Variants in CSMD1 observed in about 807,000 individuals in gnomAD.
CSMD1 encodes the protein CUB and sushi domain-containing protein 1.
A neutral mutation model predicts 417.5 loss-of-function variants in CSMD1; 213 were observed. The observed-to-expected ratio is 0.51, with a 90% CI of 0.46 to 0.57. The LOEUF (loss-of-function observed/expected upper bound fraction) is 0.57, where lower values mean the gene tolerates loss of function less well. Among genes scored for constraint, CSMD1 ranks in the 20% least tolerant of loss-of-function variants. The pLI, the probability that CSMD1 is intolerant of heterozygous loss-of-function variation, is 0.00. For synonymous variants in CSMD1, 2,862 were observed against 1,736.8 expected, an observed-to-expected ratio of 1.65 and a Z score of -16.11; for missense variants, 6,923 against 4,529.7, an observed-to-expected ratio of 1.53 and a Z score of -15.17.
At chr8:3,636,896 A>C (rs186030395) in intron 7 of CSMD1, among the ~76,000 whole-genome samples, 22 of 152,304 alleles carry the variant, frequency 1.4e-4, no homozygotes, top group Admixed American at 5.2e-4. Context: ...TTGTGAGGTA[A>C]CTAGGTCATG....
chr8:3,872,940 T>G, intron 5 of CSMD1, among the ~76,000 whole-genome samples: 1 of 149,450 alleles, frequency 6.7e-6, no homozygotes, highest in Non-Finnish European at 1.5e-5. Context: ...TGGCCAACAA[T>G]CATATGAAAA....
chr8:3,847,535 G>C (rs1400895507), intron 5 of CSMD1, among the ~76,000 whole-genome samples: 1 of 152,062 alleles, frequency 6.6e-6, no homozygotes, highest in Non-Finnish European at 1.5e-5. Context: ...CCTAAGGTGA[G>C]ATCACAGACT....
chr8:3,678,993 T>C (rs1033717479), intron 7 of CSMD1, among the ~76,000 whole-genome samples: 7 of 152,144 alleles, frequency 4.6e-5, no homozygotes, highest in African/African-American at 1.7e-4. Context: ...CTGAGAGATT[T>C]TGCCACCACC....
At chr8:3,491,211 G>A (rs979862898) in intron 11 of CSMD1, among the ~76,000 whole-genome samples, 3 of 152,126 alleles carry the variant, frequency 2.0e-5, no homozygotes, top group Admixed American at 1.3e-4. Flanking sequence ...GTCCACAGGC[G>A]ATAAAGACTC....
At chr8:4,985,365 C>T (rs1563933850) in intron 1 of CSMD1, among the ~76,000 whole-genome samples, 4 of 60,630 alleles carry the variant, frequency 6.6e-5, no homozygotes, top group African/African-American at 2.3e-4. Context: ...TGCCCTGGAA[C>T]TTAAAAGTTT....
At chr8:3,686,502 C>T (rs1367511484) in intron 7 of CSMD1, among the ~76,000 whole-genome samples, 4 of 152,112 alleles carry the variant, frequency 2.6e-5, no homozygotes, top group Non-Finnish European at 4.4e-5. Flanking sequence ...TAAAAAAAAG[C>T]CAGTTACAAG....
chr8:3,461,012 G>A (rs1322311810), intron 12 of CSMD1, among the ~76,000 whole-genome samples: 2 of 152,176 alleles, frequency 1.3e-5, no homozygotes, highest in African/African-American at 4.8e-5. Context: ...CAGTCCTCAG[G>A]AAAGCCCGTT....
At chr8:3,301,957 G>T (rs563911784) in intron 25 of CSMD1, among the ~76,000 whole-genome samples, 2 of 152,146 alleles carry the variant, frequency 1.3e-5, no homozygotes, top group East Asian at 3.9e-4. Context: ...TCAGTGTCTC[G>T]TCTAAAGAAA....
At chr8:3,075,812 C>T (rs916559773) in intron 49 of CSMD1, among the ~76,000 whole-genome samples, 10 of 150,020 alleles carry the variant, frequency 6.7e-5, no homozygotes, top group African/African-American at 2.0e-4. Context: ...GAGGCCAAGG[C>T]GGGTGGATCA....
chr8:3,686,078 C>T (rs182567928), intron 7 of CSMD1, among the ~76,000 whole-genome samples: 1 of 139,482 alleles, frequency 7.2e-6, no homozygotes, highest in East Asian at 2.1e-4. Flanking sequence ...TTATCAGCCT[C>T]TGATAACCAT....
At chr8:4,613,532 G>A (rs189874205) in intron 2 of CSMD1, among the ~76,000 whole-genome samples, 6 of 152,314 alleles carry the variant, frequency 3.9e-5, no homozygotes, top group African/African-American at 1.4e-4. Context: ...GACCGCAACT[G>A]TAAGCCCAGC....
chr8:4,297,679 G>A (rs1366555706), intron 3 of CSMD1, among the ~76,000 whole-genome samples: 1 of 152,136 alleles, frequency 6.6e-6, no homozygotes, highest in South Asian at 2.1e-4. Flanking sequence ...TTCTGCTACT[G>A]TTTTAGCATT....
chr8:4,656,826 C>G (rs920301762), intron 1 of CSMD1, among the ~76,000 whole-genome samples: 1 of 151,972 alleles, frequency 6.6e-6, no homozygotes, highest in Non-Finnish European at 1.5e-5. Context: ...GAACCCTTCC[C>G]CAGAGAAACC....
At chr8:4,752,833 C>T (rs1034335429) in intron 1 of CSMD1, among the ~76,000 whole-genome samples, 2 of 152,058 alleles carry the variant, frequency 1.3e-5, no homozygotes, top group East Asian at 1.9e-4. Context: ...AGGCAAAGTT[C>T]CTGAAATAAC....
chr8:3,648,196 T>C (rs1435874036), intron 7 of CSMD1, among the ~76,000 whole-genome samples: 1 of 152,230 alleles, frequency 6.6e-6, no homozygotes, highest in Non-Finnish European at 1.5e-5. Context: ...TATGTGTATA[T>C]TACTCTTCTC....
chr8:4,074,827 T>A (rs1585257361), intron 3 of CSMD1, among the ~76,000 whole-genome samples: 1 of 152,164 alleles, frequency 6.6e-6, no homozygotes. Context: ...GATGCCTTTT[T>A]CTTGGTAGAA....
chr8:3,971,661 G>A (rs1403099884), intron 5 of CSMD1, among the ~76,000 whole-genome samples: 1 of 152,090 alleles, frequency 6.6e-6, no homozygotes, highest in Non-Finnish European at 1.5e-5. Flanking sequence ...GATCCGTGTG[G>A]AACATGGGGG....
At chr8:3,195,395 A>C (rs1796650514) in intron 33 of CSMD1, among the ~76,000 whole-genome samples, 1 of 152,174 alleles carries the variant, frequency 6.6e-6, no homozygotes, top group Non-Finnish European at 1.5e-5. Context: ...GAAAGACGTG[A>C]ATTACAGGCC....
At chr8:4,509,136 C>G (rs975884165) in intron 2 of CSMD1, among the ~76,000 whole-genome samples, 6 of 152,064 alleles carry the variant, frequency 3.9e-5, no homozygotes, top group Admixed American at 3.9e-4. Flanking sequence ...GTAAAATAAA[C>G]AATAGACCTT....
Sources: allele counts gnomAD v4.1 joint callset (sites outside exome capture counted in the v4.1 genomes callset), GRCh38; gene constraint gnomAD v4.1.1; transcripts MANE v1.5; gene names NCBI Gene and HGNC (gene_info 2026-07-23, HGNC 2026-07-21).